The following RAB31 variants were observed in gnomAD, a reference collection of about 807,000 sequenced individuals.
RAB31 encodes the protein ras-related protein Rab-31.
A neutral mutation model predicts 25.6 loss-of-function variants in RAB31; 21 were observed. That is an observed-to-expected ratio of 0.82 (90% CI 0.58 to 1.18). RAB31 has a LOEUF of 1.18. RAB31 is among the 50% of genes most tolerant of loss of function. The pLI is 0.00. For synonymous variants in RAB31, 87 were observed against 84.0 expected, an observed-to-expected ratio of 1.04 and a Z score of -0.20; for missense variants, 196 against 250.1, an observed-to-expected ratio of 0.78 and a Z score of 1.46.
intron 1 of RAB31, among the ~76,000 whole-genome samples, chr18:9,715,427 TG>T (rs531980862): frequency 6.5e-4 from 96 of 147,560 alleles, no homozygotes; most frequent in African/African-American, 2.2e-3. Flanking sequence ...TTTTTTTTTT[TG>T]AAAAATTTAA....
At chr18:9,846,359 A>G (rs758633652) in intron 6 of RAB31, among the ~76,000 whole-genome samples, 1 of 152,206 alleles carries the variant, frequency 6.6e-6, no homozygotes, top group Non-Finnish European at 1.5e-5. Context: ...TTCCAGCTCA[A>G]CAGATTTAAC....
At chr18:9,844,397 C>T (rs762848848) in intron 5 of RAB31, among the ~76,000 whole-genome samples, 10 of 152,206 alleles carry the variant, frequency 6.6e-5, no homozygotes, top group Non-Finnish European at 1.2e-4. Context: ...CTCAGGCTGT[C>T]CCATCCCAGA....
chr18:9,834,451 C>T (rs1198525720), intron 5 of RAB31, among the ~76,000 whole-genome samples: 1 of 152,120 alleles, frequency 6.6e-6, no homozygotes, highest in Admixed American at 6.6e-5. Flanking sequence ...CAAACCTGAA[C>T]AGCAGGTGGT....
At chr18:9,716,823 T>C (rs1284564501) in intron 1 of RAB31, among the ~76,000 whole-genome samples, 1 of 152,138 alleles carries the variant, frequency 6.6e-6, no homozygotes, top group Non-Finnish European at 1.5e-5. Context: ...TAACTCATTA[T>C]AGCCTCGAAC....
rs1431536871 is a variant in RAB31, at chr18:9,826,053, C to T, written c.380+10831C>T. On this transcript the variant is annotated intron_variant, in intron 5 of 6. Coordinates refer to ENST00000578921, the MANE Select transcript of RAB31 (RefSeq NM_006868.4). The stretch of plus-strand genomic sequence containing the variant: ...CCCGCATACCCATGTAACAAACCTG[C>T]ACACGTACCCCTCTGAATCTAAAAT... Among the ~76,000 whole-genome samples, 3 of 152,092 alleles carry T rather than the reference C, an allele frequency of 2.0e-5. No individual in the cohort carries two copies. In the South Asian group the frequency reaches 6.2e-4, roughly 32 times the overall value.
At chr18:9,723,211 C>G (rs1393757798) in intron 1 of RAB31, among the ~76,000 whole-genome samples, 1 of 152,058 alleles carries the variant, frequency 6.6e-6, no homozygotes, top group East Asian at 1.9e-4. Context: ...CCATGCCCGG[C>G]TAATTTTTGT....
At chr18:9,731,523 G>T (rs2068122579) in intron 1 of RAB31, among the ~76,000 whole-genome samples, 1 of 151,236 alleles carries the variant, frequency 6.6e-6, no homozygotes, top group African/African-American at 2.4e-5. Flanking sequence ...GAGGGAATCT[G>T]CCCTTTCTGA....
chr18:9,712,421 G>A (rs2068022179), intron 1 of RAB31, among the ~76,000 whole-genome samples: 1 of 152,214 alleles, frequency 6.6e-6, no homozygotes, highest in Admixed American at 6.5e-5. Context: ...AAGCACCCTG[G>A]GCAGGACCCC....
chr18:9,783,378 C>A (rs910234189), intron 2 of RAB31, among the ~76,000 whole-genome samples: 2 of 152,134 alleles, frequency 1.3e-5, no homozygotes, highest in Admixed American at 6.5e-5. Context: ...TGGTTCCCCC[C>A]CCTTACCTGC....
chr18:9,818,716 G>C (rs1231656394), intron 5 of RAB31, among the ~76,000 whole-genome samples: 1 of 152,114 alleles, frequency 6.6e-6, no homozygotes, highest in Non-Finnish European at 1.5e-5. Context: ...TGGAATTTCT[G>C]TGTCACATGA....
intron 1 of RAB31, among the ~76,000 whole-genome samples, chr18:9,744,583 A>G (rs2068196245): frequency 6.6e-6 from 1 of 152,232 alleles, no homozygotes; most frequent in African/African-American, 2.4e-5. Flanking sequence ...TAACAAAGGC[A>G]CCGTGCTTCC....
At chr18:9,857,629 C>G (rs964128976) in intron 6 of RAB31, among the ~76,000 whole-genome samples, 1 of 150,110 alleles carries the variant, frequency 6.7e-6, no homozygotes, top group Non-Finnish European at 1.5e-5. Flanking sequence ...AATACACTAA[C>G]TAGCCAATAA....
chr18:9,708,694 G>T lies in RAB31; in HGVS notation c.39+250G>T, dbSNP rs907306336. 2.0e-5 allele frequency among the ~76,000 whole-genome samples: 3 copies of T among 151,722 alleles called. No homozygotes were observed. Among genetic ancestry groups the T allele is most frequent in the African/African-American group, 2.4e-5 (1 of 41,294 alleles). ...TGTTCTCCGCCTCCCCGCCGTCCGT[G>T]CGCCCCTCTGGTCCGCCCCCGCTCT... On this transcript the variant is annotated intron_variant, in intron 1 of 6. Transcript: ENST00000578921. The surrounding 1 kb of genome is among the most constrained non-coding windows in gnomAD (Gnocchi z 6.4).
At chr18:9,828,737 T>C (rs2068662541) in intron 5 of RAB31, among the ~76,000 whole-genome samples, 1 of 152,190 alleles carries the variant, frequency 6.6e-6, no homozygotes, top group Non-Finnish European at 1.5e-5. Flanking sequence ...TTAGAAATTA[T>C]ACAAACCAAA....
intron 2 of RAB31, chr18:9,786,630 G>A (rs1333805233): frequency 2.0e-5 from 3 of 152,264 alleles, no homozygotes; most frequent in East Asian, 3.9e-4. Flanking sequence ...CTGGTGGTGG[G>A]AGAACCCCCC....
chr18:9,769,680 T>A (rs1363612790), intron 1 of RAB31, among the ~76,000 whole-genome samples: 1 of 152,246 alleles, frequency 6.6e-6, no homozygotes, highest in East Asian at 1.9e-4. Context: ...TACCCTTTTT[T>A]TCTTTCTCTT....
At chr18:9,816,408 T>A (rs948081430) in intron 5 of RAB31, among the ~76,000 whole-genome samples, 2 of 152,248 alleles carry the variant, frequency 1.3e-5, no homozygotes, top group Non-Finnish European at 2.9e-5. Context: ...TTTCTGTTGT[T>A]ACTTTTTCCA....
At chr18:9,827,286 G>A (rs1382134203) in intron 5 of RAB31, among the ~76,000 whole-genome samples, 1 of 152,036 alleles carries the variant, frequency 6.6e-6, no homozygotes, top group African/African-American at 2.4e-5. Context: ...ATGAGGGAGG[G>A]ATCAGGAAGT....
chr18:9,738,780 A>G (rs143552965), intron 1 of RAB31, among the ~76,000 whole-genome samples: 118 of 152,346 alleles, frequency 7.7e-4, no homozygotes, highest in African/African-American at 2.8e-3. Flanking sequence ...AATCAGAAGC[A>G]CAGGACACCT....
Sources: allele counts gnomAD v4.1 joint callset (sites outside exome capture counted in the v4.1 genomes callset), GRCh38; gene constraint gnomAD v4.1.1; non-coding constraint Gnocchi (gnomAD v3.1); transcripts MANE v1.5; gene names NCBI Gene and HGNC (gene_info 2026-07-23, HGNC 2026-07-21).